Variants in ANK3 observed in about 807,000 individuals in gnomAD.
ANK3 encodes the protein ankyrin 3.
Under a neutral mutation model 370.9 loss-of-function variants are expected in ANK3, and 57 were observed. That is an observed-to-expected ratio of 0.15 (90% CI 0.12 to 0.19). The LOEUF is 0.19. ANK3 is among the 10% of genes least tolerant of loss of function. ANK3 has a pLI of 1.00. For synonymous variants in ANK3, 1,929 were observed against 1,946.3 expected, an observed-to-expected ratio of 0.99 and a Z score of 0.23; for missense variants, 4,439 against 5,302.1, an observed-to-expected ratio of 0.84 and a Z score of 5.06.
intron 23 of ANK3, among the ~76,000 whole-genome samples, chr10:60,160,731 G>T (rs998291643): frequency 1.3e-5 from 2 of 152,162 alleles, no homozygotes; most frequent in African/African-American, 4.8e-5. Flanking sequence ...ACCCAGGGAT[G>T]CAAGGATGGT....
intron 2 of ANK3, among the ~76,000 whole-genome samples, chr10:60,565,295 C>A (rs1249812639): frequency 6.6e-6 from 1 of 152,128 alleles, no homozygotes; most frequent in African/African-American, 2.4e-5. Context: ...CAACACAGAT[C>A]TCTTGCATGT....
At chr10:60,080,332 C>A in intron 36 of ANK3, 1 of 503,244 alleles carries the variant, frequency 2.0e-6, no homozygotes, top group Non-Finnish European at 3.5e-6. Context: ...GCTTTAAAAA[C>A]TGTTTTGAAG....
intron 25 of ANK3, among the ~76,000 whole-genome samples, chr10:60,127,598 T>C (rs1017955386): frequency 1.3e-5 from 2 of 152,174 alleles, no homozygotes; most frequent in Non-Finnish European, 2.9e-5. Flanking sequence ...TGCTAAATAT[T>C]TGTAAACTGA....
chr10:60,082,802 A>C lies in ANK3; in HGVS notation c.4201-65T>G, dbSNP rs1047028024. 13 of 1,534,658 alleles carry C rather than the reference A, an allele frequency of 8.5e-6. No homozygotes were observed. In the South Asian group the frequency reaches 1.6e-4, roughly 19 times the overall value. On this transcript the variant is annotated intron_variant, in intron 33 of 43. Transcript: ENST00000280772. ...TTATCTGAGGATTTTTAACTGTATAAGAGTTAAGCATGGTTGTTTTATCAA... is the reference window on the plus strand; with the variant it reads ...TTATCTGAGGATTTTTAACTGTATACGAGTTAAGCATGGTTGTTTTATCAA...
intron 23 of ANK3, among the ~76,000 whole-genome samples, chr10:60,158,338 C>T (rs1175052216): frequency 1.3e-5 from 2 of 152,172 alleles, no homozygotes; most frequent in African/African-American, 4.8e-5. Context: ...TACCCTAACA[C>T]TGTAATTGTG....
At chr10:60,207,762 C>T (rs975860093) in intron 10 of ANK3, among the ~76,000 whole-genome samples, 10 of 152,116 alleles carry the variant, frequency 6.6e-5, no homozygotes, top group African/African-American at 1.7e-4. Flanking sequence ...ACGTTGGCCA[C>T]CTTAGTCTTT....
chr10:60,035,304 A>T (rs966520041), intron 43 of ANK3, among the ~76,000 whole-genome samples: 3 of 152,042 alleles, frequency 2.0e-5, no homozygotes, highest in Non-Finnish European at 4.4e-5. Flanking sequence ...GCTGGAGTAC[A>T]GTGGTACGAT....
intron 18 of ANK3, among the ~76,000 whole-genome samples, chr10:60,178,916 A>G (rs1393011155): frequency 6.8e-6 from 1 of 146,718 alleles, no homozygotes; most frequent in Non-Finnish European, 1.5e-5. Context: ...TCAAATGCAA[A>G]AGGGGGGTGG....
intron 23 of ANK3, among the ~76,000 whole-genome samples, chr10:60,152,999 A>C (rs2095201540): frequency 6.6e-6 from 1 of 152,244 alleles, no homozygotes; most frequent in Non-Finnish European, 1.5e-5. Context: ...ACAGAAATGT[A>C]TGCATATGTG....
intron 2 of ANK3, among the ~76,000 whole-genome samples, chr10:60,421,466 C>T (rs1451034841): frequency 1.3e-5 from 2 of 151,838 alleles, no homozygotes; most frequent in Non-Finnish European, 2.9e-5. Context: ...GGGGAGGGGG[C>T]AGTTGCACAA....
At chr10:60,554,238 A>G (rs981839697) in intron 2 of ANK3, among the ~76,000 whole-genome samples, 11 of 152,068 alleles carry the variant, frequency 7.2e-5, no homozygotes, top group Admixed American at 5.9e-4. Context: ...TTTTCAAACC[A>G]TATCTCTTAG....
intron 1 of ANK3, among the ~76,000 whole-genome samples, chr10:60,616,003 A>C (rs1347762847): frequency 6.6e-6 from 1 of 152,196 alleles, no homozygotes; most frequent in Non-Finnish European, 1.5e-5. Flanking sequence ...ATGTAAAGAA[A>C]GGAACATTCT....
intron 2 of ANK3, among the ~76,000 whole-genome samples, chr10:60,462,268 C>A (rs550882833): frequency 6.6e-6 from 1 of 152,186 alleles, no homozygotes; most frequent in Non-Finnish European, 1.5e-5. Context: ...TAATGAGGCC[C>A]CTATTTCTTA....
intron 1 of ANK3, among the ~76,000 whole-genome samples, chr10:60,694,122 T>G (rs992892424): frequency 5.3e-5 from 8 of 152,062 alleles, no homozygotes; most frequent in Admixed American, 6.5e-5. Flanking sequence ...CAGGAGCCGA[T>G]GCGATCAACT....
intron 16 of ANK3, among the ~76,000 whole-genome samples, chr10:60,192,203 T>C (rs2096494895): frequency 6.6e-6 from 1 of 152,064 alleles, no homozygotes; most frequent in African/African-American, 2.4e-5. Context: ...ATTTTATTTG[T>C]TTTTATAGCT....
At chr10:60,090,800 T>C (rs1285212476) in intron 28 of ANK3, among the ~76,000 whole-genome samples, 1 of 152,268 alleles carries the variant, frequency 6.6e-6, no homozygotes, top group African/African-American at 2.4e-5. Flanking sequence ...AAATAAGTGC[T>C]TTCATTACTG....
rs750563582 is a variant in ANK3 at position 60,056,029 on chromosome 10, G to T, written c.12694C>A (p.Gln4232Lys). The T allele has an allele frequency of 1.9e-6, 3 of 1,604,572 alleles. No homozygotes were observed. In the South Asian group the frequency reaches 3.3e-5, roughly 18 times the overall value. ...TATGAGGTAATGGAATCTCTACACT[G>T]GTCAGGGCTGCAACAGAAAATTTGC... Reference protein sequence around the residue: ...LLDRLDDSPDQCRDSITSYLK... With the variant: ...LLDRLDDSPDKCRDSITSYLK... The change falls in exon 42 of 44, where the codon CAG (glutamine) becomes AAG (lysine). Residue 4232 changes from glutamine to lysine, a missense_variant. Transcript: ENST00000280772.
At chr10:60,464,356 T>C (rs995149702) in intron 2 of ANK3, among the ~76,000 whole-genome samples, 35 of 152,326 alleles carry the variant, frequency 2.3e-4, no homozygotes, top group Middle Eastern at 3.4e-3. Flanking sequence ...CACATATCTT[T>C]TTCCTAAAAA....
At chr10:60,512,090 G>A (rs145045576) in intron 2 of ANK3, among the ~76,000 whole-genome samples, 18 of 151,860 alleles carry the variant, frequency 1.2e-4, no homozygotes, top group South Asian at 2.1e-4. Flanking sequence ...AGGAACTTTC[G>A]TCTTTTCCAT....
Sources: gnomAD v4.1 joint callset for allele counts (sites outside exome capture counted in the v4.1 genomes callset) on GRCh38, gnomAD v4.1.1 for gene constraint, MANE v1.5 for transcripts, NCBI Gene and HGNC (gene_info 2026-07-23, HGNC 2026-07-21) for gene names.